Variants in ZC2HC1A observed in about 807,000 individuals in gnomAD.
ZC2HC1A encodes zinc finger C2HC-type containing 1A.
A neutral mutation model predicts 40.7 loss-of-function variants in ZC2HC1A; 28 were observed. That is an observed-to-expected ratio of 0.69 (90% CI 0.51 to 0.94). The LOEUF (loss-of-function observed/expected upper bound fraction) is 0.94, where lower values mean the gene tolerates loss of function less well. ZC2HC1A is among the 40% of genes least tolerant of loss of function. The probability of loss-of-function intolerance (pLI) is 0.00; values close to 1 mark genes in which losing one functional copy is unlikely to be tolerated. For missense variants in ZC2HC1A, 389 were observed against 386.3 expected (o/e 1.01, Z -0.06); for synonymous variants, 129 against 129.2 (o/e 1.00, Z 0.01).
At position 78,718,500 on chromosome 8, in the gene ZC2HC1A, A is replaced by G. The variant is rs1443782841; in HGVS notation, c.*1007A>G. On this transcript the variant is annotated 3_prime_UTR_variant, in exon 9 of 9. Coordinates refer to ENST00000263849, the MANE Select transcript of ZC2HC1A (RefSeq NM_016010.3). Reference sequence around the variant, plus strand: ...GAGCATGCAGATAAAAAATATTTGAATTTTTTTTTCTTGGAAGTACATGTA... The same window carrying G: ...GAGCATGCAGATAAAAAATATTTGAGTTTTTTTTTCTTGGAAGTACATGTA... 1 of 151,342 alleles carries G rather than the reference A, an allele frequency of 6.6e-6. No individual in the cohort carries two copies. Among genetic ancestry groups the G allele is most frequent in the Non-Finnish European group, 1.5e-5 (1 of 67,628 alleles). 9.4% of individuals were successfully genotyped at this position (151,342 alleles called of 1,614,324 possible).
Position 78,718,365 on chromosome 8 carries a change from A to G in ZC2HC1A, c.*872A>G, listed in dbSNP as rs1275207577. On this transcript the variant is annotated 3_prime_UTR_variant, in exon 9 of 9. Coordinates refer to ENST00000263849, the MANE Select transcript of ZC2HC1A (RefSeq NM_016010.3). The stretch of plus-strand genomic sequence containing the variant: ...CACAGAATTCCCTGCAAAATCTTAC[A>G]TGTTTAAAAACATATAATTTTTTGT... The G allele has an allele frequency of 2.0e-5, 3 of 151,972 alleles. No homozygotes were observed. Among genetic ancestry groups the G allele is most frequent in the Non-Finnish European group, 4.4e-5 (3 of 67,848 alleles). 9.4% of individuals were successfully genotyped at this position (151,972 alleles called of 1,614,324 possible).
chr8:78,693,566 T>A (rs1345715005), intron 5 of ZC2HC1A, among the ~76,000 whole-genome samples: 1 of 152,132 alleles, frequency 6.6e-6, no homozygotes. Flanking sequence ...TTTGCCCACT[T>A]TTTGATGGGG....
At chr8:78,698,208 A>G (rs1298261772) in intron 6 of ZC2HC1A, among the ~76,000 whole-genome samples, 1 of 152,202 alleles carries the variant, frequency 6.6e-6, no homozygotes, top group African/African-American at 2.4e-5. Flanking sequence ...TTATTTATAT[A>G]TCAATTATAA....
In ZC2HC1A at chr8:78,678,697, T is replaced by C. The variant is rs1442393795; in HGVS notation, c.210+18T>C. The C allele has an allele frequency of 6.5e-7, 1 of 1,548,676 alleles. No individual in the cohort carries two copies. The highest frequency in any genetic ancestry group is 2.3e-5 in the East Asian group (1 of 43,940). The stretch of plus-strand genomic sequence containing the variant: ...AACCGAGGGTAACTATATAACCTTT[T>C]GAACAGTATGAACTTTGGTGTTATG... On this transcript the variant is annotated intron_variant, in intron 3 of 8. Transcript: ENST00000263849.
At chr8:78,689,181 G>C in intron 4 of ZC2HC1A, 41 bp from the exon 5 acceptor site, 1 of 1,367,564 alleles carries the variant, frequency 7.3e-7, no homozygotes, top group Middle Eastern at 2.1e-4. Flanking sequence ...TCCGTTTCAA[G>C]TACTATGCTA....
chr8:78,676,039 C>T, intron 2 of ZC2HC1A, 176 bp downstream of exon 2: 1 of 438,294 alleles, frequency 2.3e-6, no homozygotes, highest in Middle Eastern at 5.3e-4. Flanking sequence ...TGCTTTCTTT[C>T]CTTCAGAGTT....
intron 7 of ZC2HC1A, among the ~76,000 whole-genome samples, chr8:78,702,665 G>A (rs1259288092): frequency 6.6e-6 from 1 of 152,010 alleles, no homozygotes; most frequent in East Asian, 1.9e-4. Context: ...TTGTTTCTTT[G>A]TACTCTAAGT....
chr8:78,684,521 A>G (rs1809895956), intron 3 of ZC2HC1A, among the ~76,000 whole-genome samples: 1 of 152,194 alleles, frequency 6.6e-6, no homozygotes, highest in South Asian at 2.1e-4. Context: ...TCAAGATGAG[A>G]TTTGGGTGGG....
intron 3 of ZC2HC1A, among the ~76,000 whole-genome samples, chr8:78,685,242 C>G (rs959171167): frequency 3.1e-5 from 3 of 97,378 alleles, no homozygotes; most frequent in Non-Finnish European, 4.8e-5. Context: ...AAGGATAGGA[C>G]AACTGCATAG....
intron 7 of ZC2HC1A, among the ~76,000 whole-genome samples, chr8:78,704,701 G>A (rs1337820693): frequency 6.6e-6 from 1 of 152,082 alleles, no homozygotes; most frequent in Non-Finnish European, 1.5e-5. Flanking sequence ...TTTTCAAATT[G>A]GTGCCATTCT....
chr8:78,712,021 A>G, intron 7 of ZC2HC1A: 4 of 1,289,728 alleles, frequency 3.1e-6, no homozygotes, highest in Non-Finnish European at 4.0e-6. Flanking sequence ...TCCACTTCGA[A>G]CGGGAAGACT....
At chr8:78,717,017 T>TA (rs147367718) in intron 8 of ZC2HC1A, among the ~76,000 whole-genome samples, 23,951 of 152,142 alleles carry the variant, frequency 0.16, 2,053 homozygotes, top group Middle Eastern at 0.3. Flanking sequence ...GTGAGTCAGT[T>TA]AAACCTCTTT....
intron 7 of ZC2HC1A, among the ~76,000 whole-genome samples, chr8:78,701,870 G>A (rs1810616949): frequency 1.3e-5 from 2 of 152,144 alleles, no homozygotes; most frequent in Non-Finnish European, 1.5e-5. Context: ...GCTTGTTGAT[G>A]TGCTGCTGGA....
intron 1 of ZC2HC1A, among the ~76,000 whole-genome samples, chr8:78,669,072 C>G (rs879318698): frequency 6.6e-4 from 66 of 99,432 alleles, no homozygotes; most frequent in African/African-American, 1.6e-3. Context: ...CGTGTCTCAT[C>G]AAAATTTCTG....
chr8:78,700,969 A>G (rs1810583352), intron 7 of ZC2HC1A, among the ~76,000 whole-genome samples: 1 of 152,168 alleles, frequency 6.6e-6, no homozygotes, highest in Admixed American at 6.6e-5. Context: ...TACCTTGGCT[A>G]GTTTGACTCA....
rs1222497743 is a variant in ZC2HC1A, at chr8:78,675,988, T to C, written c.93+125T>C. ...TGAAGAGTTAATGGGTACTATTCTTTGTTCAAGGGTCTTGATTTCAGCTAT... is the reference window on the plus strand; with the variant it reads ...TGAAGAGTTAATGGGTACTATTCTTCGTTCAAGGGTCTTGATTTCAGCTAT... On this transcript the variant is annotated intron_variant, in intron 2 of 8. Transcript: ENST00000263849. 99 of 667,974 alleles carry C rather than the reference T, an allele frequency of 1.5e-4. 4 individuals carry two copies. Among genetic ancestry groups the C allele is most frequent in the Non-Finnish European group, 1.4e-4 (57 of 417,746 alleles). 41.4% of individuals were successfully genotyped at this position (667,974 alleles called of 1,614,324 possible). A position where few individuals can be genotyped will look rare whatever the true frequency, so the allele number is the denominator to read the frequency against.
rs560365079 is a variant in ZC2HC1A at position 78,679,674 on chromosome 8, G to A, written c.210+995G>A. Among the ~76,000 whole-genome samples the A allele has an allele frequency of 5.9e-5, 9 of 152,204 alleles. No individual in the cohort carries two copies. The South Asian group carries it at 1.5e-3, about 25-fold the overall frequency. On this transcript the variant is annotated intron_variant, in intron 3 of 8. Transcript: ENST00000263849. ...ATTTCAGTGAAGTGATTTAAGCTAA[G>A]TACCTGATTGAATAGGTTTTTTAAA...
intron 3 of ZC2HC1A, 130 bp from the exon 4 acceptor site, chr8:78,686,337 A>G (rs552571488): frequency 4.4e-4 from 335 of 760,634 alleles, no homozygotes; most frequent in Non-Finnish European, 5.9e-4. Context: ...TAAATTTGAG[A>G]AGGATATCAT....
chr8:78,693,145 G>T (rs1198377736), intron 5 of ZC2HC1A, among the ~76,000 whole-genome samples: 1 of 151,982 alleles, frequency 6.6e-6, no homozygotes, highest in Non-Finnish European at 1.5e-5. Context: ...TGGACATTTG[G>T]GTTGGTTCCA....
Sources: allele counts gnomAD v4.1 joint callset (sites outside exome capture counted in the v4.1 genomes callset), GRCh38; gene constraint gnomAD v4.1.1; transcripts MANE v1.5; gene names NCBI Gene and HGNC (gene_info 2026-07-23, HGNC 2026-07-21).